The following HFM1 variants were observed in gnomAD, a reference collection of about 807,000 sequenced individuals.
The protein encoded by HFM1 is probable ATP-dependent DNA helicase HFM1.
In HFM1, 169 loss-of-function variants were observed where a neutral mutation model predicts 192.1. That is an observed-to-expected ratio of 0.88 (90% CI 0.78 to 1.00). The LOEUF (loss-of-function observed/expected upper bound fraction) is 1.00. Ranked by LOEUF, HFM1 falls within the 50% of genes least tolerant of loss-of-function variation. The pLI is 0.00. For synonymous variants in HFM1, 525 were observed against 537.8 expected, an observed-to-expected ratio of 0.98 and a Z score of 0.33; for missense variants, 1,661 against 1,668.0, an observed-to-expected ratio of 1.00 and a Z score of 0.07.
intron 13 of HFM1, among the ~76,000 whole-genome samples, chr1:91,357,546 A>G (rs1657908938): frequency 6.6e-6 from 1 of 152,216 alleles, no homozygotes; most frequent in Non-Finnish European, 1.5e-5. Flanking sequence ...GATACAGTAC[A>G]AGGCAGGGAT....
At chr1:91,284,913 T>C (rs1570777081) in intron 30 of HFM1, among the ~76,000 whole-genome samples, 1 of 152,342 alleles carries the variant, frequency 6.6e-6, no homozygotes, top group African/African-American at 2.4e-5. Context: ...AAATCTCATC[T>C]TGATTTGCAG....
chr1:91,373,459 T>C (rs1054118702), intron 13 of HFM1, among the ~76,000 whole-genome samples: 3 of 152,252 alleles, frequency 2.0e-5, no homozygotes, highest in African/African-American at 7.2e-5. Flanking sequence ...GCTAGCACTC[T>C]GCTGAGACCT....
chr1:91,385,155 A>T (rs1399052542), intron 6 of HFM1, 32 bp downstream of exon 6: 24 of 1,253,424 alleles, frequency 1.9e-5, no homozygotes, highest in Admixed American at 3.9e-5. Flanking sequence ...TAATAAATAC[A>T]AAGCAGCTAT....
intron 30 of HFM1, among the ~76,000 whole-genome samples, chr1:91,278,454 C>A (rs1383897645): frequency 2.0e-5 from 3 of 152,048 alleles, no homozygotes; most frequent in African/African-American, 7.2e-5. Flanking sequence ...AGGTGGAGGG[C>A]AAATACCCAA....
At chr1:91,328,583 T>C in intron 20 of HFM1, 1 of 1,609,082 alleles carries the variant, frequency 6.2e-7, no homozygotes, top group South Asian at 1.1e-5. Context: ...ATAGGCATGT[T>C]CTACCGCACT....
chr1:91,373,319 GA>G (rs1660486543), intron 13 of HFM1, among the ~76,000 whole-genome samples: 1 of 151,994 alleles, frequency 6.6e-6, no homozygotes, highest in African/African-American at 2.4e-5. Context: ...AAATTAGGCA[GA>G]AAAAATAAGT....
chr1:91,292,894 C>T (rs904514804), intron 30 of HFM1, among the ~76,000 whole-genome samples: 5 of 152,086 alleles, frequency 3.3e-5, no homozygotes, highest in East Asian at 3.9e-4. Flanking sequence ...TCAGAAATAA[C>T]GCCACATATC....
intron 13 of HFM1, among the ~76,000 whole-genome samples, chr1:91,370,382 C>T (rs1660011936): frequency 1.3e-5 from 2 of 152,296 alleles, no homozygotes; most frequent in Admixed American, 1.3e-4. Context: ...CATCAAAAAG[C>T]TTGTCCACCA....
rs541505850 is a variant in HFM1 at position 91,370,218 on chromosome 1, G to C, written c.1685+5140C>G. On this transcript the variant is annotated intron_variant, in intron 13 of 38. Coordinates refer to ENST00000370425, the MANE Select transcript of HFM1 (RefSeq NM_001017975.6). ...CTATTCCAATCAATAGAAAAAGAGG[G>C]AATCCTCCCTAACGCATTTTATGAG... Among the ~76,000 whole-genome samples the C allele has an allele frequency of 2.0e-3, 297 of 152,214 alleles. 2 individuals carry two copies. The highest frequency in any genetic ancestry group is 6.9e-3 in the African/African-American group (286 of 41,520).
At chr1:91,405,912 G>T (rs967890184), upstream of HFM1, among the ~76,000 whole-genome samples, 1 of 152,220 alleles carries the variant, frequency 6.6e-6, no homozygotes, top group Non-Finnish European at 1.5e-5. Context: ...GGAGAGGAAA[G>T]TTACTTTCCA....
At chr1:91,399,624 C>G (rs1664067660) in intron 2 of HFM1, among the ~76,000 whole-genome samples, 1 of 152,114 alleles carries the variant, frequency 6.6e-6, no homozygotes, top group Non-Finnish European at 1.5e-5. Context: ...TTAAAAGTAC[C>G]ATGAATGTCC....
At chr1:91,373,815 A>C (rs143768600) in intron 13 of HFM1, among the ~76,000 whole-genome samples, 2 of 152,150 alleles carry the variant, frequency 1.3e-5, no homozygotes, top group Non-Finnish European at 2.9e-5. Flanking sequence ...CCTTCTTTAT[A>C]AATTACCCAG....
chr1:91,293,389 G>A (rs1311626465), intron 30 of HFM1, among the ~76,000 whole-genome samples: 1 of 152,014 alleles, frequency 6.6e-6, no homozygotes, highest in Non-Finnish European at 1.5e-5. Context: ...GTGGGCAAAG[G>A]ACATGAACAG....
rs761142943 is a variant in HFM1, at chr1:91,350,854, A to G, written c.2090T>C (p.Ile697Thr). The G allele has an allele frequency of 1.3e-6, 2 of 1,586,544 alleles. No homozygotes were observed. The highest frequency in any genetic ancestry group is 8.6e-7 in the Non-Finnish European group (1 of 1,160,922). The change falls in exon 18 of 39, where the codon ATT becomes ACT. Residue 697 changes from isoleucine to threonine, a missense_variant. Physicochemically the swap from Ile to Thr is moderately conservative, Grantham distance 89 (BLOSUM62 -1). Coordinates refer to ENST00000370425, the MANE Select transcript of HFM1 (RefSeq NM_001017975.6). ...TACTATCTCTGCATTTAAATGTTCA[A>G]TAAGATGTCTGTGCAAACTAATGAA... ...TVESSLHRHL[I>T]EHLNAEIVLH...
rs1557898993 is a variant in HFM1 at position 91,353,169 on chromosome 1, T to G, written c.1730-17A>C. On this transcript the variant is annotated splice_polypyrimidine_tract_variant and intron_variant, in intron 14 of 38. Coordinates refer to ENST00000370425, the MANE Select transcript of HFM1 (RefSeq NM_001017975.6). ...TTAAGATATCTGTAATAGAAATATA[T>G]CAGCTGTTACTATTAATATTTCATC... 1 of 1,571,874 alleles carries G rather than the reference T, an allele frequency of 6.4e-7. No individual in the cohort carries two copies. Among genetic ancestry groups the G allele is most frequent in the Non-Finnish European group, 8.7e-7 (1 of 1,143,244 alleles).
At chr1:91,317,371 G>C (rs1339108764) in intron 25 of HFM1, among the ~76,000 whole-genome samples, 2 of 152,128 alleles carry the variant, frequency 1.3e-5, no homozygotes, top group Non-Finnish European at 2.9e-5. Context: ...CCAAGATCGT[G>C]CCATTGTACT....
intron 30 of HFM1, among the ~76,000 whole-genome samples, chr1:91,312,044 G>A (rs1650541768): frequency 6.6e-6 from 1 of 152,192 alleles, no homozygotes; most frequent in African/African-American, 2.4e-5. Context: ...CAAGAATCGA[G>A]GTTTGGGAAC....
At chr1:91,285,577 A>G (rs1008053931) in intron 30 of HFM1, among the ~76,000 whole-genome samples, 1 of 152,092 alleles carries the variant, frequency 6.6e-6, no homozygotes, top group Non-Finnish European at 1.5e-5. Context: ...GTTTAGAGGT[A>G]TAATTGTGTA....
rs184117060 is a variant in HFM1 at position 91,390,913 on chromosome 1, G to T, written c.494+3180C>A. 5.3e-5 allele frequency among the ~76,000 whole-genome samples: 8 copies of T among 152,244 alleles called. No individual in the cohort carries two copies. The East Asian group carries it at 7.7e-4, about 15-fold the overall frequency. On this transcript the variant is annotated intron_variant, in intron 4 of 38. Transcript: ENST00000370425. ...ATAAGCAACTTCAGCAAAGTCTCAG[G>T]ATACAAAATCAACATGCAAAAATCA...
Sources: allele counts gnomAD v4.1 joint callset (sites outside exome capture counted in the v4.1 genomes callset), GRCh38; gene constraint gnomAD v4.1.1; transcripts MANE v1.5; gene names NCBI Gene and HGNC (gene_info 2026-07-23, HGNC 2026-07-21).